The following ADAM15 variants were observed in gnomAD, a reference collection of about 807,000 sequenced individuals.
The protein encoded by ADAM15 is ADAM metallopeptidase domain 15, also known as disintegrin and metalloproteinase domain-containing protein 15.
In ADAM15, 77 loss-of-function variants were observed where a neutral mutation model predicts 113.8. The observed-to-expected ratio is 0.68, with a 90% confidence interval of 0.56 to 0.82. The LOEUF (loss-of-function observed/expected upper bound fraction) is 0.82, where lower values mean the gene tolerates loss of function less well. ADAM15 is among the 40% of genes least tolerant of loss of function. The pLI, the probability that ADAM15 is intolerant of heterozygous loss-of-function variation, is 0.00. For missense variants in ADAM15, 963 were observed against 1,120.1 expected, an observed-to-expected ratio of 0.86 and a Z score of 2.00; for synonymous variants, 388 against 454.1, an observed-to-expected ratio of 0.85 and a Z score of 1.85.
chr1:155,052,417 G>C, intron 1 of ADAM15: 2 of 1,334,588 alleles, frequency 1.5e-6, no homozygotes, highest in East Asian at 5.0e-5. Context: ...AGGGGACAAG[G>C]AGGGCCACAG....
Position 155,054,183 on chromosome 1 carries a change from T to C in ADAM15, c.376T>C (p.Tyr126His). 1.2e-6 allele frequency: 2 copies of C among 1,612,174 alleles called. No individual in the cohort carries two copies. Among genetic ancestry groups the C allele is most frequent in the East Asian group, 2.2e-5 (1 of 44,876 alleles). Residue 126 changes from tyrosine to histidine, a missense_variant, in exon 5 of 23, where the codon TAT becomes CAT. By Grantham distance (83) the Tyr-to-His change is moderately conservative. Transcript: ENST00000356955. ...CTGCTACCAGGGAAGAGTGCGGGGA[T>C]ATGCAGGCTCCTGGGTGTCCATCTG... Reference protein sequence around the residue: ...NCCYQGRVRGYAGSWVSICTC... With the variant: ...NCCYQGRVRGHAGSWVSICTC...
rs768396571 is a variant in ADAM15, at chr1:155,057,770, G to A, written c.1416+41G>A. The A allele has an allele frequency of 1.2e-5, 19 of 1,613,840 alleles. No individual in the cohort carries two copies. The highest frequency in any genetic ancestry group is 1.1e-4 in the East Asian group (5 of 44,890). ...ACTGGCCACCCGGAGCTCACCTGCC[G>A]GGGCCAAGGTGGAAAGGGTCATTCT... On this transcript the variant is annotated intron_variant, in intron 13 of 22. Transcript: ENST00000356955. The surrounding 1 kb of genome is among the most constrained non-coding windows in gnomAD (Gnocchi z 5.0).
Position 155,058,712 on chromosome 1 carries a change from G to T in ADAM15, c.1920G>T (p.Val640=). Residue 640 remains valine, a splice_region_variant and synonymous_variant, in exon 16 of 23, where the codon GTG becomes GTT. Coordinates refer to ENST00000356955, the MANE Select transcript of ADAM15 (RefSeq NM_207197.3). This position sits in a 1 kb window ranked among gnomAD's most constrained non-coding sequence, Gnocchi z 4.3. ...AGGCTCTTCTCTCCCTGGGTCAGGT[G>T]TGTATAGACCATCGATGCCAGCGTG... ...LPGTACGPGL[V]CIDHRCQRVD... is the part of the protein sequence containing the mutation. 6.2e-7 allele frequency: 1 copy of T among 1,613,558 alleles called. No individual in the cohort carries two copies. The highest frequency in any genetic ancestry group is 1.3e-5 in the African/African-American group (1 of 75,030).
At chr1:155,051,804 T>G in intron 1 of ADAM15, 2 of 233,666 alleles carry the variant, frequency 8.6e-6, no homozygotes, top group Non-Finnish European at 1.7e-5. Context: ...ACTGGCATCT[T>G]CGCTGCTCTG....
chr1:155,052,259 T>C (rs745421725), intron 1 of ADAM15: 375 of 527,368 alleles, frequency 7.1e-4, no homozygotes, highest in Non-Finnish European at 1.1e-3. Flanking sequence ...TCCTGGCATC[T>C]CCGATGTGAG....
In ADAM15 at chr1:155,058,627, G is replaced by C; in HGVS notation, c.1918-83G>C. 2 of 1,563,954 alleles carry C rather than the reference G, an allele frequency of 1.3e-6. No homozygotes were observed. Among genetic ancestry groups the C allele is most frequent in the South Asian group, 1.2e-5 (1 of 85,094 alleles). Reference sequence around the variant, plus strand: ...TTGGTTTCCCCATCTGTAAACGCAGGGTATGGCCTCAACCTTATTGGCCTC... The same window carrying C: ...TTGGTTTCCCCATCTGTAAACGCAGCGTATGGCCTCAACCTTATTGGCCTC... On this transcript the variant is annotated intron_variant, in intron 15 of 22. Transcript: ENST00000356955. The surrounding 1 kb of genome is among the most constrained non-coding windows in gnomAD (Gnocchi z 4.3).
intron 16 of ADAM15, 73 bp from the exon 17 acceptor site, chr1:155,059,829 A>C: frequency 6.6e-7 from 1 of 1,509,008 alleles, no homozygotes; most frequent in Non-Finnish European, 9.2e-7. Flanking sequence ...GAAATCTGAG[A>C]TCTTGAAAAG....
rs775451450 is a variant in ADAM15 at position 155,062,034 on chromosome 1, G to T, written c.2424+59G>T. On this transcript the variant is annotated intron_variant, in intron 21 of 22. Coordinates refer to ENST00000356955, the MANE Select transcript of ADAM15 (RefSeq NM_207197.3). The surrounding 1 kb of genome is among the most constrained non-coding windows in gnomAD (Gnocchi z 7.0). The stretch of plus-strand genomic sequence containing the variant: ...CCCCCCACCTAGGGCTGTGGTGCTG[G>T]TAGCCATGACGGTGGTGGCCGTGGC... The T allele has an allele frequency of 5.4e-6, 8 of 1,490,522 alleles. No individual in the cohort carries two copies. 92.3% of individuals were successfully genotyped at this position (1,490,522 alleles called of 1,614,324 possible).
rs1662705661 is a variant in ADAM15, at chr1:155,062,002, G to A, written c.2424+27G>A. 2.6e-6 allele frequency: 4 copies of A among 1,534,206 alleles called. No homozygotes were observed. In the East Asian group the frequency reaches 7.0e-5, roughly 27 times the overall value. ...TAACGGTGGGGGGAGAGAAGGGCAC[G>A]GCCTCTCCCCCCACCTAGGGCTGTG... On this transcript the variant is annotated intron_variant, in intron 21 of 22. Transcript: ENST00000356955. This position sits in a 1 kb window ranked among gnomAD's most constrained non-coding sequence, Gnocchi z 7.0.
rs1661700180 is a variant in ADAM15 at position 155,055,917 on chromosome 1, T to A, written c.676-15T>A. On this transcript the variant is annotated splice_polypyrimidine_tract_variant and intron_variant, in intron 7 of 22. Transcript: ENST00000356955. ...CTGCCCTGCCGCCTTTCATGTCACC[T>A]CTCTTGGCCTACAGGCCCAGAAATA... is the stretch of plus-strand genomic sequence containing the variant. 1.9e-6 allele frequency: 3 copies of A among 1,613,898 alleles called. No homozygotes were observed. The highest frequency in any genetic ancestry group is 2.5e-6 in the Non-Finnish European group (3 of 1,180,008).
chr1:155,052,318 C>G (rs1051051327), intron 1 of ADAM15: 2 of 596,664 alleles, frequency 3.4e-6, no homozygotes, highest in East Asian at 2.8e-5. Flanking sequence ...AGCTCAGTCT[C>G]GAGAGGGGGC....
chr1:155,057,896 G>A lies in ADAM15; in HGVS notation c.1462G>A (p.Asp488Asn). The A allele has an allele frequency of 6.2e-7, 1 of 1,613,092 alleles. No individual in the cohort carries two copies. Among genetic ancestry groups the A allele is most frequent in the Non-Finnish European group, 8.5e-7 (1 of 1,180,024 alleles). Residue 488 changes from aspartate to asparagine, a missense_variant, in exon 14 of 23, where the codon GAC becomes AAC. By Grantham distance (23) the Asp-to-Asn change is conservative. Transcript: ENST00000356955. The surrounding 1 kb of genome is among the most constrained non-coding windows in gnomAD (Gnocchi z 5.0). ...GTGTCGTCCTACCAGAGGGGATTGT[G>A]ACTTGCCTGAATTCTGCCCAGGAGA... ...WQCRPTRGDCDLPEFCPGDSS... is the reference protein window; with the variant it reads ...WQCRPTRGDCNLPEFCPGDSS...
In ADAM15 at chr1:155,056,514, TCC is replaced by T; in HGVS notation, c.999+46_999+47del. On this transcript the variant is annotated intron_variant, in intron 10 of 22. Coordinates refer to ENST00000356955, the MANE Select transcript of ADAM15 (RefSeq NM_207197.3). The surrounding 1 kb of genome is among the most constrained non-coding windows in gnomAD (Gnocchi z 4.0). ...TCCTCCTCATTCCCAATTCAGTTCC[TCC>T]CAAGTGTGGTGGCATTTATGCACTG... 1 of 1,585,324 alleles carries T rather than the reference TCC, an allele frequency of 6.3e-7. No individual in the cohort carries two copies. The highest frequency in any genetic ancestry group is 8.7e-7 in the Non-Finnish European group (1 of 1,155,666).
Position 155,051,339 on chromosome 1 carries a change from G to T in ADAM15, c.-48G>T, listed in dbSNP as rs1226739171. On this transcript the variant is annotated 5_prime_UTR_variant, in exon 1 of 23. Transcript: ENST00000356955. ...ACCTGGCCGCCGGCCGCTCCTCCGC[G>T]CGCTGTTCCGCACTTGCTGCCCTCG... 5 of 1,398,354 alleles carry T rather than the reference G, an allele frequency of 3.6e-6. No homozygotes were observed. In the East Asian group the frequency reaches 1.3e-4, roughly 35 times the overall value. 86.6% of individuals were successfully genotyped at this position (1,398,354 alleles called of 1,614,324 possible).
Position 155,056,980 on chromosome 1 carries a change from G to A in ADAM15, c.1027G>A (p.Ala343Thr), listed in dbSNP as rs781728322. 63 of 1,578,594 alleles carry A rather than the reference G, an allele frequency of 4.0e-5. No individual in the cohort carries two copies. Among genetic ancestry groups the A allele is most frequent in the Non-Finnish European group, 4.7e-5 (55 of 1,164,218 alleles). The change falls in exon 11 of 23, where the codon GCC (alanine) becomes ACC (threonine). Residue 343 changes from alanine to threonine, a missense_variant. Physicochemically the swap from Ala to Thr is moderately conservative, Grantham distance 58 (BLOSUM62 0). Transcript: ENST00000356955. The surrounding 1 kb of genome is among the most constrained non-coding windows in gnomAD (Gnocchi z 4.0). ...MDHSTSILGV[A>T]SSIAHELGHS... ...CCACTCCACCAGCATCCTGGGAGTC[G>A]CCTCCTCCATAGCCCATGAGTTGGG...
Position 155,054,110 on chromosome 1 carries a change from T to C in ADAM15, c.343-40T>C, listed in dbSNP as rs1042253408. On this transcript the variant is annotated intron_variant, in intron 4 of 22. Coordinates refer to ENST00000356955, the MANE Select transcript of ADAM15 (RefSeq NM_207197.3). Reference sequence around the variant, plus strand: ...AGGCTCCTCAGTTCCAGTCCTGGTGTGCTCTCTGAGACAGCACTAATGTTG... The same window carrying C: ...AGGCTCCTCAGTTCCAGTCCTGGTGCGCTCTCTGAGACAGCACTAATGTTG... 8 of 1,613,500 alleles carry C rather than the reference T, an allele frequency of 5.0e-6. No individual in the cohort carries two copies. The African/African-American group carries it at 6.7e-5, about 13-fold the overall frequency.
intron 2 of ADAM15, 37 bp downstream of exon 2, chr1:155,052,814 C>A: frequency 1.3e-6 from 2 of 1,570,026 alleles, no homozygotes; most frequent in Non-Finnish European, 8.6e-7. Context: ...TAAACGAATC[C>A]ACACACGCCC....
chr1:155,056,896 G>T lies in ADAM15; in HGVS notation c.1000-57G>T. The T allele has an allele frequency of 6.6e-7, 1 of 1,518,060 alleles. No homozygotes were observed. Among genetic ancestry groups the T allele is most frequent in the Non-Finnish European group, 8.8e-7 (1 of 1,132,306 alleles). 94.0% of individuals were successfully genotyped at this position (1,518,060 alleles called of 1,614,324 possible). A position where few individuals can be genotyped will look rare whatever the true frequency, so the allele number is the denominator to read the frequency against. Reference sequence around the variant, plus strand: ...GAACAGGAGCAGAGAGGGTGGTCTGGGCATTGTGGTGGAGGCAGGCTGGGA... The same window carrying T: ...GAACAGGAGCAGAGAGGGTGGTCTGTGCATTGTGGTGGAGGCAGGCTGGGA... On this transcript the variant is annotated intron_variant, in intron 10 of 22. Transcript: ENST00000356955. The surrounding 1 kb of genome is among the most constrained non-coding windows in gnomAD (Gnocchi z 4.0).
At chr1:155,054,904 T>C (rs1416888961) in intron 6 of ADAM15, among the ~76,000 whole-genome samples, 1 of 152,002 alleles carries the variant, frequency 6.6e-6, no homozygotes, top group Non-Finnish European at 1.5e-5. Flanking sequence ...AAATAAAATC[T>C]AGCTGAGACA....
Sources: allele counts gnomAD v4.1 joint callset (sites outside exome capture counted in the v4.1 genomes callset), GRCh38; gene constraint gnomAD v4.1.1; non-coding constraint Gnocchi (gnomAD v3.1); transcripts MANE v1.5; gene names NCBI Gene and HGNC (gene_info 2026-07-23, HGNC 2026-07-21).